SEL1L2: variants seen among roughly 807,000 people sequenced by gnomAD.
SEL1L2 encodes protein sel-1 homolog 2.
A neutral mutation model predicts 98.8 loss-of-function variants in SEL1L2; 89 were observed. That is an observed-to-expected ratio of 0.90 (90% CI 0.76 to 1.07). SEL1L2 has a LOEUF of 1.07. Among genes scored for constraint, SEL1L2 ranks in the 50% least tolerant of loss-of-function variants. The pLI is 0.00. For missense variants in SEL1L2, 788 were observed against 812.0 expected (o/e 0.97, Z 0.36); for synonymous variants, 262 against 278.5 (o/e 0.94, Z 0.59).
intron 1 of SEL1L2, among the ~76,000 whole-genome samples, chr20:13,977,485 G>C (rs981763045): frequency 6.6e-6 from 1 of 152,176 alleles, no homozygotes; most frequent in Non-Finnish European, 1.5e-5. Context: ...TCAATTGATG[G>C]GGGGATAGAT....
intron 1 of SEL1L2, among the ~76,000 whole-genome samples, chr20:13,986,909 T>C (rs909816377): frequency 5.3e-5 from 8 of 152,340 alleles, no homozygotes; most frequent in East Asian, 1.9e-4. Context: ...CTCGACTCAC[T>C]GCAAGCTCCG....
chr20:13,962,192 T>C (rs2050811313), intron 1 of SEL1L2, among the ~76,000 whole-genome samples: 1 of 152,162 alleles, frequency 6.6e-6, no homozygotes, highest in East Asian at 1.9e-4. Context: ...CCCCAGGGAA[T>C]CACAACTCCT....
At chr20:13,907,792 C>T (rs1370134023) in intron 5 of SEL1L2, among the ~76,000 whole-genome samples, 7 of 134,632 alleles carry the variant, frequency 5.2e-5, no homozygotes, top group South Asian at 2.3e-4. Flanking sequence ...TTGAGGGACA[C>T]GGTCTGGTTC....
At chr20:13,985,786 T>C (rs1340790560) in intron 1 of SEL1L2, among the ~76,000 whole-genome samples, 2 of 152,204 alleles carry the variant, frequency 1.3e-5, no homozygotes, top group Admixed American at 1.3e-4. Context: ...AGAAATCCTG[T>C]ACCCCTTAGT....
intron 2 of SEL1L2, among the ~76,000 whole-genome samples, chr20:13,942,008 T>C (rs1347978034): frequency 1.3e-5 from 2 of 152,270 alleles, no homozygotes; most frequent in Middle Eastern, 6.8e-3. Context: ...TGGCACTGTG[T>C]AATACATTAA....
chr20:13,978,031 A>T (rs531796914), intron 1 of SEL1L2, among the ~76,000 whole-genome samples: 1 of 152,314 alleles, frequency 6.6e-6, no homozygotes, highest in African/African-American at 2.4e-5. Flanking sequence ...ACTACCAAAG[A>T]CCCCAAATAG....
At chr20:13,895,213 T>A (rs749890394) in intron 5 of SEL1L2, among the ~76,000 whole-genome samples, 1 of 152,088 alleles carries the variant, frequency 6.6e-6, no homozygotes. Context: ...GAAGCCTAAG[T>A]GGGCAGATTG....
At chr20:13,893,649 A>C (rs1483203801) in intron 5 of SEL1L2, among the ~76,000 whole-genome samples, 1 of 152,212 alleles carries the variant, frequency 6.6e-6, no homozygotes, top group East Asian at 1.9e-4. Context: ...TTGTATTTAC[A>C]CAATAAGATC....
chr20:13,951,234 G>A (rs1187420477), intron 2 of SEL1L2, among the ~76,000 whole-genome samples: 6 of 121,574 alleles, frequency 4.9e-5, no homozygotes, highest in Admixed American at 3.3e-4. Flanking sequence ...CCGAGATAGC[G>A]CCACTGCACT....
At chr20:13,850,988 G>A (rs1568815192) in intron 18 of SEL1L2, among the ~76,000 whole-genome samples, 1 of 152,300 alleles carries the variant, frequency 6.6e-6, no homozygotes, top group East Asian at 1.9e-4. Flanking sequence ...TGTAGTCCCA[G>A]TACTTTGGGA....
At chr20:13,936,642 G>C (rs922931649) in intron 2 of SEL1L2, among the ~76,000 whole-genome samples, 2 of 152,092 alleles carry the variant, frequency 1.3e-5, no homozygotes, top group Non-Finnish European at 2.9e-5. Flanking sequence ...ACCCTCCTGC[G>C]CACCAAACTA....
chr20:13,956,735 T>A (rs572840224), intron 1 of SEL1L2, among the ~76,000 whole-genome samples: 33 of 152,276 alleles, frequency 2.2e-4, no homozygotes, highest in East Asian at 1.9e-3. Context: ...TGCATAATCA[T>A]TGGCATATTT....
intron 3 of SEL1L2, among the ~76,000 whole-genome samples, chr20:13,920,003 C>A (rs145007743): frequency 1.3e-5 from 2 of 150,764 alleles, no homozygotes; most frequent in African/African-American, 4.9e-5. Flanking sequence ...CCGAGGCAGG[C>A]GGATCACTTG....
In SEL1L2 at chr20:13,913,781, C is replaced by T. The variant is rs752284504; in HGVS notation, c.549+1G>A. ...AGGTTTCATTTTCCTTCAAAACTCACGTTTTGGGCTTTACATGATCCTTCT... is the reference window on the plus strand; with the variant it reads ...AGGTTTCATTTTCCTTCAAAACTCATGTTTTGGGCTTTACATGATCCTTCT... On this transcript the variant is annotated splice_donor_variant, in intron 5 of 19. Transcript: ENST00000284951. LOFTEE classifies it high-confidence loss of function. 3.3e-6 allele frequency: 5 copies of T among 1,513,312 alleles called. No individual in the cohort carries two copies. The highest frequency in any genetic ancestry group is 2.6e-6 in the Non-Finnish European group (3 of 1,141,696). The allele number at this position is 1,513,312 out of a possible 1,614,324, so 93.7% of individuals were successfully genotyped here. A position where few individuals can be genotyped will look rare whatever the true frequency, so the allele number is the denominator to read the frequency against.
chr20:13,970,311 A>T (rs1281482382), intron 1 of SEL1L2, among the ~76,000 whole-genome samples: 1 of 152,160 alleles, frequency 6.6e-6, no homozygotes, highest in Non-Finnish European at 1.5e-5. Flanking sequence ...ATGGATAGAC[A>T]TTTATGATGT....
In SEL1L2 at chr20:13,986,607, TATGTATATTCCA is replaced by T. The variant is rs1365481872; in HGVS notation, c.58+3858_58+3869del. 1.3e-5 allele frequency among the ~76,000 whole-genome samples: 2 copies of T among 152,238 alleles called. 1 individual carries two copies. Among genetic ancestry groups the T allele is most frequent in the Admixed American group, 1.3e-4 (2 of 15,278 alleles). ...TTTATGGCTGAGTAATATTCCATTG[TATGTATATTCCA>T]ATGTATATACCACAATTTGTTTATT... On this transcript the variant is annotated intron_variant, in intron 1 of 19. Transcript: ENST00000284951.
At chr20:13,910,980 T>C (rs2048183394) in intron 5 of SEL1L2, among the ~76,000 whole-genome samples, 1 of 152,268 alleles carries the variant, frequency 6.6e-6, no homozygotes, top group Non-Finnish European at 1.5e-5. Flanking sequence ...ACTTCTTTAC[T>C]GGGAGTCATA....
At chr20:13,953,838 G>A (rs1230604194) in intron 2 of SEL1L2, among the ~76,000 whole-genome samples, 1 of 152,106 alleles carries the variant, frequency 6.6e-6, no homozygotes, top group Non-Finnish European at 1.5e-5. Flanking sequence ...CTGAACTAAG[G>A]AGAAAGTCCT....
intron 1 of SEL1L2, among the ~76,000 whole-genome samples, chr20:13,983,023 CA>C (rs57993052): frequency 2.2e-3 from 35 of 15,560 alleles, no homozygotes; most frequent in Admixed American, 4.5e-3. Flanking sequence ...GACTCCATCT[CA>C]AAAAAAAAAA....
Sources: gnomAD v4.1 joint callset for allele counts (sites outside exome capture counted in the v4.1 genomes callset) on GRCh38, gnomAD v4.1.1 for gene constraint, MANE v1.5 for transcripts, NCBI Gene and HGNC (gene_info 2026-07-23, HGNC 2026-07-21) for gene names.